The following GRM7 variants were observed in gnomAD, a reference collection of about 807,000 sequenced individuals.
GRM7 encodes the protein glutamate metabotropic receptor 7.
A neutral mutation model predicts 84.5 loss-of-function variants in GRM7; 35 were observed. That is an observed-to-expected ratio of 0.41 (90% CI 0.32 to 0.55). GRM7 has a LOEUF of 0.55. GRM7 is among the 20% of genes least tolerant of loss of function. The pLI is 0.19. For synonymous variants in GRM7, 487 were observed against 455.1 expected, an observed-to-expected ratio of 1.07 and a Z score of -0.89; for missense variants, 1,003 against 1,194.6, an observed-to-expected ratio of 0.84 and a Z score of 2.36.
At chr3:7,670,329 G>A (rs550194154) in intron 8 of GRM7, among the ~76,000 whole-genome samples, 99 of 152,304 alleles carry the variant, frequency 6.5e-4, no homozygotes, top group African/African-American at 2.4e-3. Context: ...AGGAAGATCA[G>A]CAAACATAAG....
At chr3:7,562,353 T>G (rs1694062622) in intron 7 of GRM7, among the ~76,000 whole-genome samples, 1 of 148,176 alleles carries the variant, frequency 6.7e-6, no homozygotes, top group Non-Finnish European at 1.5e-5. Context: ...CCTTATATTT[T>G]TTTAAAAAGA....
chr3:7,604,111 A>C (rs1274446344), intron 8 of GRM7, among the ~76,000 whole-genome samples: 3 of 148,916 alleles, frequency 2.0e-5, no homozygotes, highest in Non-Finnish European at 4.5e-5. Context: ...AGAACAGATT[A>C]GATAACTTAG....
intron 4 of GRM7, among the ~76,000 whole-genome samples, chr3:7,317,022 A>G (rs1398973398): frequency 1.3e-5 from 2 of 152,164 alleles, no homozygotes; most frequent in African/African-American, 4.8e-5. Context: ...ATTGGAAACC[A>G]GGTAACGTAA....
At chr3:6,929,789 A>T (rs17046385) in intron 1 of GRM7, among the ~76,000 whole-genome samples, 9,102 of 152,218 alleles carry the variant, frequency 0.06, 398 homozygotes, top group East Asian at 0.19. Flanking sequence ...GGAGGTGTGT[A>T]GGGAAGGTGA....
intron 2 of GRM7, among the ~76,000 whole-genome samples, chr3:7,293,521 C>T (rs998040568): frequency 2.6e-5 from 4 of 152,174 alleles, no homozygotes; most frequent in African/African-American, 9.7e-5. Context: ...TCAGTTGCCA[C>T]ATTTACGATG....
intron 8 of GRM7, among the ~76,000 whole-genome samples, chr3:7,665,465 G>A (rs1422985117): frequency 6.6e-6 from 1 of 152,028 alleles, no homozygotes; most frequent in African/African-American, 2.4e-5. Flanking sequence ...GTGAGCCACC[G>A]CGCCCGGCCT....
intron 4 of GRM7, among the ~76,000 whole-genome samples, chr3:7,347,929 C>T (rs1692964613): frequency 6.6e-6 from 1 of 152,126 alleles, no homozygotes. Context: ...TGTGAGTTTA[C>T]AGCAAAGCAT....
At chr3:7,296,425 C>T (rs7638548) in intron 2 of GRM7, among the ~76,000 whole-genome samples, 98,858 of 151,776 alleles carry the variant, frequency 0.65, 33,481 homozygotes, top group African/African-American at 0.84. Context: ...TCTCTCTTCT[C>T]CCATTTTCTG....
chr3:6,970,325 G>T (rs1693700128), intron 1 of GRM7, among the ~76,000 whole-genome samples: 1 of 152,062 alleles, frequency 6.6e-6, no homozygotes, highest in Admixed American at 6.5e-5. Flanking sequence ...TAAATCACTG[G>T]GTTCAAACTT....
intron 2 of GRM7, among the ~76,000 whole-genome samples, chr3:7,231,270 A>G (rs1034913837): frequency 3.3e-5 from 5 of 152,180 alleles, no homozygotes; most frequent in Non-Finnish European, 5.9e-5. Flanking sequence ...AAGAACATGT[A>G]CCCTACAAAG....
chr3:6,910,590 C>G (rs1321644384), intron 1 of GRM7, among the ~76,000 whole-genome samples: 1 of 152,122 alleles, frequency 6.6e-6, no homozygotes. Flanking sequence ...GGAGTGTTCT[C>G]TTTAGTTGGG....
chr3:6,943,277 T>A (rs1697952129), intron 1 of GRM7, among the ~76,000 whole-genome samples: 1 of 151,918 alleles, frequency 6.6e-6, no homozygotes, highest in Non-Finnish European at 1.5e-5. Flanking sequence ...TTGTGTGTTG[T>A]CTAACAAATC....
chr3:7,192,358 T>C (rs1037807353), intron 2 of GRM7, among the ~76,000 whole-genome samples: 1 of 152,150 alleles, frequency 6.6e-6, no homozygotes, highest in African/African-American at 2.4e-5. Context: ...TAATTCTGCA[T>C]GTCCTGGATT....
At chr3:7,266,920 C>G (rs1256142819) in intron 2 of GRM7, among the ~76,000 whole-genome samples, 1 of 152,144 alleles carries the variant, frequency 6.6e-6, no homozygotes, top group Non-Finnish European at 1.5e-5. Context: ...TGAACTTGCC[C>G]TTTGACTTCA....
intron 1 of GRM7, among the ~76,000 whole-genome samples, chr3:7,011,718 G>C (rs919152576): frequency 5.9e-5 from 9 of 152,186 alleles, no homozygotes; most frequent in African/African-American, 1.7e-4. Context: ...CCTGGGAACA[G>C]AAAGAGGCAG....
chr3:7,482,258 A>G (rs536502357), intron 7 of GRM7, among the ~76,000 whole-genome samples: 5 of 152,328 alleles, frequency 3.3e-5, no homozygotes, highest in Admixed American at 3.3e-4. Context: ...GTCAAATCCT[A>G]TAAACCCTGT....
chr3:7,095,538 A>G (rs1488560084), intron 1 of GRM7, among the ~76,000 whole-genome samples: 1 of 152,192 alleles, frequency 6.6e-6, no homozygotes, highest in Non-Finnish European at 1.5e-5. Flanking sequence ...GAGCTTTGGA[A>G]TATTAGGACC....
intron 8 of GRM7, among the ~76,000 whole-genome samples, chr3:7,679,395 C>T (rs906602782): frequency 1.3e-5 from 2 of 150,644 alleles, no homozygotes; most frequent in African/African-American, 4.9e-5. Flanking sequence ...TAACACAACT[C>T]CAGAATAAGG....
At chr3:7,358,388 A>G (rs1294480028) in intron 4 of GRM7, among the ~76,000 whole-genome samples, 1 of 125,032 alleles carries the variant, frequency 8.0e-6, no homozygotes, top group Non-Finnish European at 1.7e-5. Context: ...TTTGACAAAT[A>G]ACAAACATTC....
Sources: gnomAD v4.1 joint callset for allele counts (sites outside exome capture counted in the v4.1 genomes callset) on GRCh38, gnomAD v4.1.1 for gene constraint, MANE v1.5 for transcripts, NCBI Gene and HGNC (gene_info 2026-07-23, HGNC 2026-07-21) for gene names.